The following PLOD1 variants were observed in gnomAD, a reference collection of about 807,000 sequenced individuals.
PLOD1 encodes the protein lysine hydroxylase.
PLOD1 carries 70 observed loss-of-function variants against 94.7 expected under a neutral mutation model. That is an observed-to-expected ratio of 0.74 (90% CI 0.61 to 0.90). PLOD1 has a LOEUF of 0.90. PLOD1 is among the 40% of genes least tolerant of loss of function. The pLI is 0.00. For missense variants in PLOD1, 905 were observed against 972.7 expected (o/e 0.93, Z 0.93); for synonymous variants, 417 against 400.2 (o/e 1.04, Z -0.50).
chr1:11,938,994 A>G (rs1294544829), intron 1 of PLOD1, among the ~76,000 whole-genome samples: 2 of 152,176 alleles, frequency 1.3e-5, no homozygotes, highest in African/African-American at 4.8e-5. Flanking sequence ...AAACAGGCAG[A>G]TATCCCTAGA....
chr1:11,944,198 A>C (rs1569673497), intron 1 of PLOD1, among the ~76,000 whole-genome samples: 1 of 151,356 alleles, frequency 6.6e-6, no homozygotes, highest in South Asian at 2.1e-4. Flanking sequence ...TAGCCACTGC[A>C]CTCCAGCCTG....
In PLOD1 at chr1:11,958,384, G is replaced by A. The variant is rs1171343598; in HGVS notation, c.844-132G>A. On this transcript the variant is annotated intron_variant, in intron 8 of 18. Transcript: ENST00000196061. This position sits in a 1 kb window ranked among gnomAD's most constrained non-coding sequence, Gnocchi z 4.3. ...CCGTACCCCCTGACTGGAGTTCCCC[G>A]GCCCGGGCACCTTTCTTGGGAAGTC... 6.6e-5 allele frequency: 67 copies of A among 1,008,286 alleles called. 1 individual carries two copies. The highest frequency in any genetic ancestry group is 9.1e-5 in the Non-Finnish European group (61 of 669,564). The allele number at this position is 1,008,286 out of a possible 1,614,324, so 62.5% of individuals were successfully genotyped here.
At chr1:11,942,979 GTTTT>G (rs142108230) in intron 1 of PLOD1, among the ~76,000 whole-genome samples, 1 of 149,942 alleles carries the variant, frequency 6.7e-6, no homozygotes, top group Admixed American at 6.6e-5. Flanking sequence ...TGTTTGTTTG[GTTTT>G]TTGTTTTTTG....
At chr1:11,945,168 C>G (rs976951381) in intron 1 of PLOD1, among the ~76,000 whole-genome samples, 1 of 152,152 alleles carries the variant, frequency 6.6e-6, no homozygotes, top group African/African-American at 2.4e-5. Flanking sequence ...GCCTGTAATC[C>G]CAGCACTTTG....
In PLOD1 at chr1:11,966,889, T is replaced by C; in HGVS notation, c.1651-98T>C. On this transcript the variant is annotated intron_variant, in intron 15 of 18. Transcript: ENST00000196061. ...ACAAGGCCCTGCTCCCCGGGGACACTGGGAGGGCTCCCTGGCTTGGGTGTG... is the reference window on the plus strand; with the variant it reads ...ACAAGGCCCTGCTCCCCGGGGACACCGGGAGGGCTCCCTGGCTTGGGTGTG... 3 of 817,522 alleles carry C rather than the reference T, an allele frequency of 3.7e-6. No individual in the cohort carries two copies. In the Admixed American group the frequency reaches 5.1e-5, roughly 14 times the overall value. 50.6% of individuals were successfully genotyped at this position (817,522 alleles called of 1,614,324 possible). A position where few individuals can be genotyped will look rare whatever the true frequency, so the allele number is the denominator to read the frequency against.
Position 11,966,989 on chromosome 1 carries a change from C to A in PLOD1, c.1653C>A (p.Pro551=). The A allele has an allele frequency of 6.2e-7, 1 of 1,608,368 alleles. No individual in the cohort carries two copies. Among genetic ancestry groups the A allele is most frequent in the Non-Finnish European group, 8.5e-7 (1 of 1,174,658 alleles). ...KALAGKLVET[P]CPDVYWFPIF... Reference sequence around the variant, plus strand: ...GACTGAGTCCCTGCCCTCCCCAGCCCTGCCCGGATGTCTATTGGTTCCCCA... The same window carrying A: ...GACTGAGTCCCTGCCCTCCCCAGCCATGCCCGGATGTCTATTGGTTCCCCA... The change falls in exon 16 of 19, where the codon CCC becomes CCA. Residue 551 remains proline, a splice_region_variant and synonymous_variant. Coordinates refer to ENST00000196061, the MANE Select transcript of PLOD1 (RefSeq NM_000302.4).
chr1:11,944,708 C>A (rs762857096), intron 1 of PLOD1: 10 of 1,250,762 alleles, frequency 8.0e-6, no homozygotes, highest in Non-Finnish European at 1.0e-5. Flanking sequence ...TATCCACCCC[C>A]TCCTCCCCCA....
rs1419363287 is a variant in PLOD1 at position 11,972,094 on chromosome 1, C to G, written c.1903-778C>G. The G allele has an allele frequency of 6.6e-6, 1 of 152,426 alleles. No individual in the cohort carries two copies. Among genetic ancestry groups the G allele is most frequent in the Non-Finnish European group, 1.5e-5 (1 of 68,156 alleles). The allele number at this position is 152,426 out of a possible 1,614,324, so 9.4% of individuals were successfully genotyped here. On this transcript the variant is annotated intron_variant, in intron 17 of 18. Coordinates refer to ENST00000196061, the MANE Select transcript of PLOD1 (RefSeq NM_000302.4). This position sits in a 1 kb window ranked among gnomAD's most constrained non-coding sequence, Gnocchi z 4.6. ...TGCCCATGGCGTGCCTGGGTCCTGCCTCAGGGAATCCAGCCTGGATAGTTG... is the reference window on the plus strand; with the variant it reads ...TGCCCATGGCGTGCCTGGGTCCTGCGTCAGGGAATCCAGCCTGGATAGTTG...
chr1:11,962,477 C>T (rs889590549), intron 10 of PLOD1, among the ~76,000 whole-genome samples: 4 of 150,444 alleles, frequency 2.7e-5, no homozygotes, highest in South Asian at 4.2e-4. Context: ...GGGGTTTCAC[C>T]GTGTTAGCCA....
chr1:11,954,888 C>A lies in PLOD1; in HGVS notation c.638C>A (p.Ala213Asp). 1 of 1,612,360 alleles carries A rather than the reference C, an allele frequency of 6.2e-7. No homozygotes were observed. Among genetic ancestry groups the A allele is most frequent in the Non-Finnish European group, 8.5e-7 (1 of 1,178,460 alleles). The change falls in exon 6 of 19, where the codon GCC becomes GAC. Residue 213 changes from alanine to aspartate, a missense_variant. By Grantham distance (126) the Ala-to-Asp change is moderately radical. Coordinates refer to ENST00000196061, the MANE Select transcript of PLOD1 (RefSeq NM_000302.4). ...CGTATCTTCCAGAACCTGGATGGAGCCTTGGGTGAGCAGCCCCCACGGGGA... is the reference window on the plus strand; with the variant it reads ...CGTATCTTCCAGAACCTGGATGGAGACTTGGGTGAGCAGCCCCCACGGGGA... ...RCRIFQNLDG[A>D]LDEVVLKFEM...
chr1:11,956,586 G>A (rs1044581258), intron 6 of PLOD1, among the ~76,000 whole-genome samples: 1 of 152,070 alleles, frequency 6.6e-6, no homozygotes, highest in East Asian at 1.9e-4. Flanking sequence ...TGAGGTGCCT[G>A]GAGCTGGGAT....
At position 11,954,864 on chromosome 1, in the gene PLOD1, G is replaced by A. The variant is rs536503346; in HGVS notation, c.614G>A (p.Arg205His). 37 of 1,613,570 alleles carry A rather than the reference G, an allele frequency of 2.3e-5. No homozygotes were observed. The East Asian group carries it at 2.9e-4, about 13-fold the overall frequency. The change falls in exon 6 of 19, where the codon CGT (arginine) becomes CAT (histidine). Residue 205 changes from arginine (R) to histidine (H), a missense_variant. Transcript: ENST00000196061. The part of the protein sequence containing the change: ...QINITLDHRC[R>H]IFQNLDGALD... ...AATATCACCCTGGACCACCGCTGCC[G>A]TATCTTCCAGAACCTGGATGGAGCC... is the stretch of plus-strand genomic sequence containing the variant.
chr1:11,972,791 C>T lies in PLOD1; in HGVS notation c.1903-81C>T. 1 of 1,528,684 alleles carries T rather than the reference C, an allele frequency of 6.5e-7. No individual in the cohort carries two copies. Among genetic ancestry groups the T allele is most frequent in the Non-Finnish European group, 9.1e-7 (1 of 1,103,434 alleles). 94.7% of individuals were successfully genotyped at this position (1,528,684 alleles called of 1,614,324 possible). A position where few individuals can be genotyped will look rare whatever the true frequency, so the allele number is the denominator to read the frequency against. On this transcript the variant is annotated intron_variant, in intron 17 of 18. Coordinates refer to ENST00000196061, the MANE Select transcript of PLOD1 (RefSeq NM_000302.4). This position sits in a 1 kb window ranked among gnomAD's most constrained non-coding sequence, Gnocchi z 4.6. ...TGACCTGCAGCAGGCCAGACCAGGC[C>T]CCATGTGTGCACCCTCCTCTCCTGG...
intron 18 of PLOD1, 42 bp from the exon 19 acceptor site, chr1:11,974,611 G>A (rs375461445): frequency 1.8e-5 from 28 of 1,590,434 alleles, no homozygotes; most frequent in Non-Finnish European, 2.2e-5. Context: ...AGACGGGCAG[G>A]GGGGCGGTGG....
In PLOD1 at chr1:11,937,385, C is replaced by G. The variant is rs1006901685; in HGVS notation, c.76+2530C>G. 3.3e-5 allele frequency among the ~76,000 whole-genome samples: 5 copies of G among 152,292 alleles called. No homozygotes were observed. The South Asian group carries it at 1.0e-3, about 32-fold the overall frequency. On this transcript the variant is annotated intron_variant, in intron 1 of 18. Transcript: ENST00000196061. The stretch of plus-strand genomic sequence containing the variant: ...CCCTCGGCAAAGGGCATTTTCTCTC[C>G]CAGTCCCAGGGCTGCTGGCTTACAG...
At chr1:11,936,324 C>G (rs1002574286) in intron 1 of PLOD1, among the ~76,000 whole-genome samples, 3 of 151,756 alleles carry the variant, frequency 2.0e-5, no homozygotes, top group African/African-American at 7.3e-5. Flanking sequence ...CCAGCCCTCC[C>G]TGGCATGGGC....
rs1645711701 is a variant in PLOD1, at chr1:11,952,702, T to G, written c.546T>G (p.Phe182Leu). 6.2e-7 allele frequency: 1 copy of G among 1,613,778 alleles called. No homozygotes were observed. The part of the protein sequence containing the change: ...EGQDSDSDQL[F>L]YTKIFLDPEK... ...AGGACAGCGACAGCGATCAGCTGTT[T>G]TACACCAAGATCTTCTTGGACCCGG... Residue 182 changes from phenylalanine (F) to leucine (L), a missense_variant, in exon 5 of 19, where the codon TTT (phenylalanine) becomes TTG (leucine). Coordinates refer to ENST00000196061, the MANE Select transcript of PLOD1 (RefSeq NM_000302.4).
chr1:11,934,902 G>A (rs1253565073), intron 1 of PLOD1, 47 bp downstream of exon 1: 1 of 1,524,664 alleles, frequency 6.6e-7, no homozygotes, highest in Admixed American at 2.0e-5. Context: ...CGGGCGGGAG[G>A]GCTGGTGTCG....
chr1:11,944,495 A>G (rs1395935249), intron 1 of PLOD1: 3 of 1,323,110 alleles, frequency 2.3e-6, no homozygotes, highest in Admixed American at 2.2e-5. Context: ...CATCCATGAA[A>G]TGTGACACTC....
Sources: allele counts gnomAD v4.1 joint callset (sites outside exome capture counted in the v4.1 genomes callset), GRCh38; gene constraint gnomAD v4.1.1; non-coding constraint Gnocchi (gnomAD v3.1); transcripts MANE v1.5; gene names NCBI Gene and HGNC (gene_info 2026-07-23, HGNC 2026-07-21).